AQR: variants seen among roughly 807,000 people sequenced by gnomAD.
AQR encodes aquarius intron-binding spliceosomal factor.
A neutral mutation model predicts 180.5 loss-of-function variants in AQR; 61 were observed. The ratio of observed to expected loss-of-function variants is 0.34; its 90% CI spans 0.28 to 0.42. AQR has a LOEUF of 0.42. Ranked by LOEUF, AQR falls within the 10% of genes least tolerant of loss-of-function variation. The probability of loss-of-function intolerance (pLI) is 1.00; values close to 1 mark genes in which losing one functional copy is unlikely to be tolerated. For missense variants in AQR, 1,281 were observed against 1,798.3 expected (o/e 0.71, Z 5.20); for synonymous variants, 551 against 588.8 (o/e 0.94, Z 0.93).
At chr15:34,912,055 T>G (rs1292331390) in intron 16 of AQR, among the ~76,000 whole-genome samples, 1 of 152,194 alleles carries the variant, frequency 6.6e-6, no homozygotes, top group East Asian at 1.9e-4. Context: ...TTGTATACTC[T>G]TGGCACATGC....
chr15:34,882,465 TAAAAAAA>T, intron 27 of AQR, 30 bp downstream of exon 27: 2 of 1,199,556 alleles, frequency 1.7e-6, no homozygotes, highest in Non-Finnish European at 2.1e-6. Flanking sequence ...CTGATAATCT[TAAAAAAA>T]AAAAAAAAAA....
intron 24 of AQR, among the ~76,000 whole-genome samples, chr15:34,888,095 C>CAAGACT (rs1893089502): frequency 6.6e-6 from 1 of 151,096 alleles, no homozygotes; most frequent in African/African-American, 2.4e-5. Context: ...GTCAGGAGTT[C>CAAGACT]AAGACTAGCC....
Position 34,876,012 on chromosome 15 carries a change from A to G in AQR, c.3166-6T>C. On this transcript the variant is annotated splice_polypyrimidine_tract_variant and splice_region_variant and intron_variant, in intron 27 of 34. Transcript: ENST00000156471. ...TCCATCAAAATGTTGTCATACTAAG[A>G]AAGAGGAAATCTTGTCATAAAGACA... 1.2e-6 allele frequency: 2 copies of G among 1,608,056 alleles called. No individual in the cohort carries two copies. Among genetic ancestry groups the G allele is most frequent in the Non-Finnish European group, 1.7e-6 (2 of 1,176,022 alleles).
intron 12 of AQR, among the ~76,000 whole-genome samples, chr15:34,928,528 A>C (rs1289331664): frequency 6.6e-6 from 1 of 152,170 alleles, no homozygotes; most frequent in East Asian, 1.9e-4. Context: ...ACATGATCTC[A>C]TTCCTTTTGA....
At chr15:34,918,183 CTA>C (rs1893625856) in intron 15 of AQR, 73 bp downstream of exon 15, 2 of 1,494,296 alleles carry the variant, frequency 1.3e-6, no homozygotes, top group Middle Eastern at 2.3e-4. Flanking sequence ...AGTACACTGC[CTA>C]TAATTGCCAA....
chr15:34,927,899 A>G (rs551068994), intron 12 of AQR, among the ~76,000 whole-genome samples: 5 of 152,356 alleles, frequency 3.3e-5, no homozygotes, highest in African/African-American at 1.2e-4. Flanking sequence ...AACTGTGTAA[A>G]CAAGGAAATA....
chr15:34,859,461 T>C (rs1892638699), intron 34 of AQR, among the ~76,000 whole-genome samples: 1 of 152,200 alleles, frequency 6.6e-6, no homozygotes, highest in Non-Finnish European at 1.5e-5. Context: ...TGTAAAGTGG[T>C]TCAACCACTT....
rs148931930 is a variant in AQR at position 34,959,090 on chromosome 15, G to A, written c.173+1684C>T. Among the ~76,000 whole-genome samples the A allele has an allele frequency of 9.1e-3, 1,392 of 152,260 alleles. 11 individuals are homozygous for A. The highest frequency in any genetic ancestry group is 0.015 in the Non-Finnish European group (1,038 of 68,018). On this transcript the variant is annotated intron_variant, in intron 3 of 34. Coordinates refer to ENST00000156471, the MANE Select transcript of AQR (RefSeq NM_014691.3). ...TGTAAGCTCCAGGAGAGCAGGGATC[G>A]TATCTCCCCTCTTTTCTGTTGTACT...
At chr15:34,952,470 A>G (rs2140503872) in intron 4 of AQR, among the ~76,000 whole-genome samples, 1 of 152,346 alleles carries the variant, frequency 6.6e-6, no homozygotes, top group East Asian at 1.9e-4. Flanking sequence ...TACCTTTGCA[A>G]TCTAAAAATC....
intron 25 of AQR, among the ~76,000 whole-genome samples, chr15:34,886,319 T>A (rs1458793521): frequency 6.6e-6 from 1 of 152,138 alleles, no homozygotes; most frequent in Non-Finnish European, 1.5e-5. Context: ...TTTCACAGAA[T>A]GAGTCATCAA....
intron 10 of AQR, 29 bp downstream of exon 10, chr15:34,934,542 T>C: frequency 6.5e-7 from 1 of 1,543,070 alleles, no homozygotes; most frequent in South Asian, 1.2e-5. Flanking sequence ...AATGATTATA[T>C]AACAAAAAAG....
intron 10 of AQR, 112 bp downstream of exon 10, chr15:34,934,459 A>G: frequency 4.2e-6 from 2 of 473,414 alleles, no homozygotes; most frequent in Non-Finnish European, 7.1e-6. Flanking sequence ...ATAAATATAT[A>G]CATATGTATT....
chr15:34,948,730 G>A (rs200327407), intron 4 of AQR, among the ~76,000 whole-genome samples: 1 of 149,432 alleles, frequency 6.7e-6, no homozygotes, highest in East Asian at 2.0e-4. Context: ...AACCCGGGAA[G>A]AAGATGCAGT....
chr15:34,872,759 A>G (rs555358745), intron 30 of AQR, among the ~76,000 whole-genome samples: 3 of 152,256 alleles, frequency 2.0e-5, no homozygotes, highest in Admixed American at 6.5e-5. Flanking sequence ...TACACATTTA[A>G]GCTGATGATA....
At chr15:34,897,044 G>A in intron 21 of AQR, 78 bp from the exon 22 acceptor site, 1 of 1,193,660 alleles carries the variant, frequency 8.4e-7, no homozygotes, top group Non-Finnish European at 1.2e-6. Context: ...ACAATGACCA[G>A]TGGTCTAAAT....
At chr15:34,883,921 T>C (rs1220625590) in intron 26 of AQR, among the ~76,000 whole-genome samples, 1 of 152,172 alleles carries the variant, frequency 6.6e-6, no homozygotes, top group African/African-American at 2.4e-5. Context: ...GCAACCCCAC[T>C]ATTTTACTGA....
intron 3 of AQR, among the ~76,000 whole-genome samples, chr15:34,959,942 A>G (rs771837260): frequency 6.6e-6 from 1 of 152,236 alleles, no homozygotes; most frequent in Non-Finnish European, 1.5e-5. Context: ...GCAGTTTGAG[A>G]CTAGCCTGGC....
At chr15:34,864,191 T>G (rs1267095713) in intron 32 of AQR, among the ~76,000 whole-genome samples, 1 of 152,166 alleles carries the variant, frequency 6.6e-6, no homozygotes, top group African/African-American at 2.4e-5. Flanking sequence ...TGGTCTAGTC[T>G]ATGGTCTTAA....
At position 34,884,740 on chromosome 15, in the gene AQR, G is replaced by A; in HGVS notation, c.2818-6C>T. 6.3e-7 allele frequency: 1 copy of A among 1,584,526 alleles called. No individual in the cohort carries two copies. The stretch of plus-strand genomic sequence containing the variant: ...TCTTCCCAGCGAGACATTACCTGTA[G>A]AAAAAAGGACTTGAAGTTAACTGCC... On this transcript the variant is annotated splice_region_variant and splice_polypyrimidine_tract_variant and intron_variant, in intron 25 of 34. Transcript: ENST00000156471.
Sources: gnomAD v4.1 joint callset for allele counts (sites outside exome capture counted in the v4.1 genomes callset) on GRCh38, gnomAD v4.1.1 for gene constraint, MANE v1.5 for transcripts, NCBI Gene and HGNC (gene_info 2026-07-23, HGNC 2026-07-21) for gene names.